Variants in CHSY3 observed in about 807,000 individuals in gnomAD.
CHSY3 encodes N-acetylgalactosaminyl-proteoglycan 3-beta-glucuronosyltransferase 3.
In CHSY3, 35 loss-of-function variants were observed where a neutral mutation model predicts 67.2. The observed-to-expected ratio is 0.52, with a 90% CI of 0.40 to 0.69. The LOEUF (loss-of-function observed/expected upper bound fraction) is 0.69, where lower values mean the gene tolerates loss of function less well. Among genes scored for constraint, CHSY3 ranks in the 30% least tolerant of loss-of-function variants. The probability of loss-of-function intolerance (pLI) is 0.00; values close to 1 mark genes in which losing one functional copy is unlikely to be tolerated. For missense variants in CHSY3, 1,069 were observed against 1,138.5 expected (o/e 0.94, Z 0.88); for synonymous variants, 474 against 434.7 (o/e 1.09, Z -1.12).
At chr5:129,998,351 T>C (rs902875061) in intron 2 of CHSY3, among the ~76,000 whole-genome samples, 1 of 152,216 alleles carries the variant, frequency 6.6e-6, no homozygotes, top group African/African-American at 2.4e-5. Flanking sequence ...ACTGTTTCAC[T>C]GTAAGGATAT....
chr5:129,990,208 A>C (rs1352758472), intron 2 of CHSY3, among the ~76,000 whole-genome samples: 1 of 152,172 alleles, frequency 6.6e-6, no homozygotes, highest in African/African-American at 2.4e-5. Flanking sequence ...AGAATGTCTA[A>C]AAACTTCTGG....
At chr5:130,128,470 A>C (rs180780979) in intron 2 of CHSY3, among the ~76,000 whole-genome samples, 46 of 152,248 alleles carry the variant, frequency 3.0e-4, no homozygotes, top group Admixed American at 2.0e-3. Flanking sequence ...AATCTAAGTT[A>C]AATAATATAG....
chr5:129,963,826 C>G (rs1762400591), intron 2 of CHSY3, among the ~76,000 whole-genome samples: 1 of 151,450 alleles, frequency 6.6e-6, no homozygotes, highest in Non-Finnish European at 1.5e-5. Flanking sequence ...TGAAAAAACC[C>G]CAGGGATGTG....
chr5:130,074,789 G>C (rs1307354543), intron 2 of CHSY3, among the ~76,000 whole-genome samples: 1 of 152,120 alleles, frequency 6.6e-6, no homozygotes, highest in Non-Finnish European at 1.5e-5. Context: ...TTCAATACTT[G>C]TTGAATGCAA....
At chr5:130,034,087 A>T (rs1764779719) in intron 2 of CHSY3, among the ~76,000 whole-genome samples, 1 of 152,172 alleles carries the variant, frequency 6.6e-6, no homozygotes, top group Non-Finnish European at 1.5e-5. Flanking sequence ...TTACACAATA[A>T]CGTTCCCCAG....
chr5:130,043,380 T>G (rs74989535), intron 2 of CHSY3, among the ~76,000 whole-genome samples: 3,047 of 152,188 alleles, frequency 0.02, 112 homozygotes, highest in African/African-American at 0.069. Context: ...GATATTTCCC[T>G]GAGAATAGAT....
chr5:130,088,537 C>G (rs1329881207), intron 2 of CHSY3, among the ~76,000 whole-genome samples: 2 of 152,042 alleles, frequency 1.3e-5, no homozygotes, highest in Admixed American at 6.6e-5. Flanking sequence ...AAGAAAAAAA[C>G]AACCCCATCG....
At chr5:130,141,016 C>T (rs958832111) in intron 2 of CHSY3, 1 of 313,294 alleles carries the variant, frequency 3.2e-6, no homozygotes, top group Non-Finnish European at 5.0e-6. Flanking sequence ...AGTCACAGAT[C>T]CATGATATTG....
chr5:129,951,070 A>C (rs1038974672), intron 2 of CHSY3, among the ~76,000 whole-genome samples: 1 of 152,188 alleles, frequency 6.6e-6, no homozygotes, highest in Non-Finnish European at 1.5e-5. Context: ...CAGAATAGAA[A>C]GCCAAGAAAT....
chr5:129,953,182 A>C (rs1015005540), intron 2 of CHSY3, among the ~76,000 whole-genome samples: 7 of 151,336 alleles, frequency 4.6e-5, no homozygotes, highest in East Asian at 3.9e-4. Context: ...TCCTGTGTCC[A>C]TGTGTTCTTA....
chr5:130,169,864 T>G (rs528094918), intron 2 of CHSY3, among the ~76,000 whole-genome samples: 12 of 152,132 alleles, frequency 7.9e-5, no homozygotes, highest in Non-Finnish European at 1.6e-4. Flanking sequence ...ATTTTATGCG[T>G]GATCAGTGAC....
chr5:130,045,694 G>A (rs1765127240), intron 2 of CHSY3, among the ~76,000 whole-genome samples: 1 of 152,110 alleles, frequency 6.6e-6, no homozygotes, highest in Non-Finnish European at 1.5e-5. Context: ...TCTGGTGAAG[G>A]ATGCTGAAGC....
intron 2 of CHSY3, among the ~76,000 whole-genome samples, chr5:130,151,475 C>T (rs1230007184): frequency 6.6e-6 from 1 of 152,176 alleles, no homozygotes; most frequent in African/African-American, 2.4e-5. Context: ...GACTGTGTGC[C>T]AGGTGCTAAT....
intron 2 of CHSY3, among the ~76,000 whole-genome samples, chr5:129,957,473 G>A (rs963659225): frequency 6.6e-6 from 1 of 152,052 alleles, no homozygotes; most frequent in Non-Finnish European, 1.5e-5. Context: ...TTGCCTGATT[G>A]ATCTTCATAT....
At chr5:130,131,060 G>A (rs1768468051) in intron 2 of CHSY3, among the ~76,000 whole-genome samples, 1 of 152,152 alleles carries the variant, frequency 6.6e-6, no homozygotes, top group South Asian at 2.1e-4. Context: ...CACTTGTATA[G>A]CCCAGTGCTT....
chr5:130,135,321 T>G (rs1768627219), intron 2 of CHSY3, among the ~76,000 whole-genome samples: 1 of 151,872 alleles, frequency 6.6e-6, no homozygotes, highest in African/African-American at 2.4e-5. Flanking sequence ...TTAGTTTTCT[T>G]TCACTCAATC....
chr5:129,933,060 T>C (rs930613717), intron 2 of CHSY3, among the ~76,000 whole-genome samples: 2 of 152,176 alleles, frequency 1.3e-5, no homozygotes, highest in East Asian at 1.9e-4. Flanking sequence ...AAATGCTTTA[T>C]GTAGCATAGA....
intron 2 of CHSY3, among the ~76,000 whole-genome samples, chr5:130,088,979 C>G (rs990875960): frequency 2.6e-5 from 4 of 151,842 alleles, no homozygotes; most frequent in African/African-American, 9.7e-5. Flanking sequence ...AGCCAAATGT[C>G]CAACAATGAT....
intron 2 of CHSY3, among the ~76,000 whole-genome samples, chr5:129,949,961 C>G (rs1302340666): frequency 6.6e-6 from 1 of 151,906 alleles, no homozygotes; most frequent in East Asian, 1.9e-4. Flanking sequence ...GTCAGGAGAT[C>G]GAGACCATCC....
Sources: allele counts gnomAD v4.1 joint callset (sites outside exome capture counted in the v4.1 genomes callset), GRCh38; gene constraint gnomAD v4.1.1; transcripts MANE v1.5; gene names NCBI Gene and HGNC (gene_info 2026-07-23, HGNC 2026-07-21).